The following NYAP2 variants were observed in gnomAD, a reference collection of about 807,000 sequenced individuals.
NYAP2 encodes the protein neuronal tyrosine-phosphorylated phosphoinositide-3-kinase adapter 2.
NYAP2 carries 23 observed loss-of-function variants against 50.4 expected under a neutral mutation model. The ratio of observed to expected loss-of-function variants is 0.46; its 90% confidence interval spans 0.33 to 0.65. The LOEUF is 0.65. Ranked by LOEUF, NYAP2 falls within the 30% of genes least tolerant of loss-of-function variation. The pLI is 0.02. For synonymous variants in NYAP2, 394 were observed against 365.2 expected, an observed-to-expected ratio of 1.08 and a Z score of -0.90; for missense variants, 885 against 861.0, an observed-to-expected ratio of 1.03 and a Z score of -0.35.
intron 3 of NYAP2, among the ~76,000 whole-genome samples, chr2:225,483,132 C>T (rs903837530): frequency 6.6e-6 from 1 of 152,050 alleles, no homozygotes; most frequent in African/African-American, 2.4e-5. Context: ...AACATAACAT[C>T]TATATATTAT....
At chr2:225,455,108 A>G (rs1689719406) in intron 3 of NYAP2, among the ~76,000 whole-genome samples, 1 of 152,100 alleles carries the variant, frequency 6.6e-6, no homozygotes, top group African/African-American at 2.4e-5. Context: ...ACAAAACAAA[A>G]CAAAACAAAA....
chr2:225,583,360 T>C (rs1692334174), intron 5 of NYAP2, among the ~76,000 whole-genome samples: 2 of 152,116 alleles, frequency 1.3e-5, no homozygotes, highest in South Asian at 4.1e-4. Context: ...TATGGAATTT[T>C]AGGTATGTGC....
intron 3 of NYAP2, among the ~76,000 whole-genome samples, chr2:225,461,924 CAG>C (rs1689840707): frequency 6.6e-6 from 1 of 152,076 alleles, no homozygotes; most frequent in African/African-American, 2.4e-5. Flanking sequence ...TGAGTGAAAA[CAG>C]GTATCTTCTG....
intron 3 of NYAP2, among the ~76,000 whole-genome samples, chr2:225,468,969 A>T (rs1689968556): frequency 6.6e-6 from 1 of 152,102 alleles, no homozygotes; most frequent in Admixed American, 6.5e-5. Context: ...AAAAATAAGG[A>T]AAAAAACACT....
chr2:225,406,549 G>A (rs1213221275), intron 2 of NYAP2, among the ~76,000 whole-genome samples: 2 of 151,600 alleles, frequency 1.3e-5, no homozygotes, highest in South Asian at 2.1e-4. Flanking sequence ...CATAACACGT[G>A]CTCAACAAAT....
At chr2:225,625,950 G>T (rs1423111738) in intron 5 of NYAP2, among the ~76,000 whole-genome samples, 1 of 152,148 alleles carries the variant, frequency 6.6e-6, no homozygotes, top group Non-Finnish European at 1.5e-5. Flanking sequence ...AGCCATTGAG[G>T]TAGACATGAA....
intron 6 of NYAP2, among the ~76,000 whole-genome samples, chr2:225,638,221 A>G (rs947555467): frequency 1.3e-5 from 2 of 150,986 alleles, no homozygotes; most frequent in Non-Finnish European, 3.0e-5. Context: ...AGAGAGAGAG[A>G]CAGAGAGAGA....
At chr2:225,607,126 C>A (rs1330053342) in intron 5 of NYAP2, among the ~76,000 whole-genome samples, 2 of 152,036 alleles carry the variant, frequency 1.3e-5, no homozygotes, top group Non-Finnish European at 2.9e-5. Context: ...ACTGAGAAAA[C>A]AGTGTATATA....
intron 5 of NYAP2, among the ~76,000 whole-genome samples, chr2:225,620,401 ACG>A (rs1693071022): frequency 6.6e-6 from 1 of 151,340 alleles, no homozygotes; most frequent in African/African-American, 2.4e-5. Context: ...GCACGCACAC[ACG>A]CGCACGCACA....
chr2:225,656,836 G>A (rs1559243034), downstream of NYAP2, among the ~76,000 whole-genome samples: 1 of 152,158 alleles, frequency 6.6e-6, no homozygotes, highest in East Asian at 1.9e-4. Flanking sequence ...GTCATCATTT[G>A]TTGACTTACT....
At chr2:225,542,009 A>C (rs1408321977) in intron 4 of NYAP2, among the ~76,000 whole-genome samples, 2 of 151,988 alleles carry the variant, frequency 1.3e-5, no homozygotes, top group Non-Finnish European at 2.9e-5. Flanking sequence ...TTCTTTGCTT[A>C]ATTCCTAGGT....
chr2:225,429,237 G>A (rs896119449), intron 3 of NYAP2, among the ~76,000 whole-genome samples: 13 of 152,172 alleles, frequency 8.5e-5, no homozygotes, highest in African/African-American at 2.7e-4. Context: ...TCTTGTATAT[G>A]AATCAAATCT....
intron 3 of NYAP2, among the ~76,000 whole-genome samples, chr2:225,435,549 C>G (rs894669935): frequency 6.6e-6 from 1 of 152,192 alleles, no homozygotes; most frequent in Admixed American, 6.5e-5. Flanking sequence ...TATCTACAGT[C>G]TGCTTCTTAA....
chr2:225,449,009 C>A (rs1689606393), intron 3 of NYAP2, among the ~76,000 whole-genome samples: 1 of 152,050 alleles, frequency 6.6e-6, no homozygotes, highest in African/African-American at 2.4e-5. Flanking sequence ...TGGTATAGCA[C>A]CTCATTGAAT....
chr2:225,686,038 T>A, the NYAP2 span, among the ~76,000 whole-genome samples: 1 of 152,194 alleles, frequency 6.6e-6, no homozygotes, highest in Non-Finnish European at 1.5e-5. Context: ...ATTACACCTG[T>A]ATGTATGCTC....
At chr2:225,685,084 G>T in the NYAP2 span, among the ~76,000 whole-genome samples, 1 of 152,200 alleles carries the variant, frequency 6.6e-6, no homozygotes, top group East Asian at 1.9e-4. Context: ...ATATTTTACA[G>T]GTACTTCCCC....
intron 5 of NYAP2, among the ~76,000 whole-genome samples, chr2:225,589,328 G>GT (rs11319773): frequency 2.2e-4 from 32 of 143,934 alleles, no homozygotes; most frequent in East Asian, 2.0e-3. Flanking sequence ...ATAAATGTTA[G>GT]TTTTTTTTTT....
At chr2:225,652,986 C>T (rs1175037208) in exon 7 of NYAP2, 1 of 152,066 alleles carries the variant, frequency 6.6e-6, no homozygotes, top group Admixed American at 6.6e-5. Context: ...AATTTAAATG[C>T]CTTTATATAA....
chr2:225,464,250 C>T (rs1232672889), intron 3 of NYAP2, among the ~76,000 whole-genome samples: 1 of 152,300 alleles, frequency 6.6e-6, no homozygotes, highest in African/African-American at 2.4e-5. Context: ...AGGCTGACAT[C>T]AAGACTGCAT....
Sources: gnomAD v4.1 joint callset for allele counts (sites outside exome capture counted in the v4.1 genomes callset) on GRCh38, gnomAD v4.1.1 for gene constraint, MANE v1.5 for transcripts, NCBI Gene and HGNC (gene_info 2026-07-23, HGNC 2026-07-21) for gene names.